TFCP2: variants seen among roughly 807,000 people sequenced by gnomAD.
TFCP2 encodes the protein alpha-globin transcription factor CP2.
Under a neutral mutation model 73.4 loss-of-function variants are expected in TFCP2, and 33 were observed. That is an observed-to-expected ratio of 0.45 (90% CI 0.34 to 0.60). The LOEUF (loss-of-function observed/expected upper bound fraction) is 0.60. Ranked by LOEUF, TFCP2 falls within the 20% of genes least tolerant of loss-of-function variation. The probability of loss-of-function intolerance (pLI) is 0.01; values close to 1 mark genes in which losing one functional copy is unlikely to be tolerated. For synonymous variants in TFCP2, 193 were observed against 211.6 expected, an observed-to-expected ratio of 0.91 and a Z score of 0.76; for missense variants, 352 against 604.0, an observed-to-expected ratio of 0.58 and a Z score of 4.37.
chr12:51,113,999 A>T (rs1233793151), intron 4 of TFCP2, among the ~76,000 whole-genome samples: 2 of 152,126 alleles, frequency 1.3e-5, no homozygotes, highest in Non-Finnish European at 2.9e-5. Flanking sequence ...TTAGGAGAAA[A>T]CATATGGGAA....
At chr12:51,096,646 G>C (rs537200763) in intron 13 of TFCP2, among the ~76,000 whole-genome samples, 1 of 152,176 alleles carries the variant, frequency 6.6e-6, no homozygotes, top group Non-Finnish European at 1.5e-5. Context: ...ACAAATTGTC[G>C]TAAGACAGAG....
intron 11 of TFCP2, among the ~76,000 whole-genome samples, chr12:51,101,278 C>A (rs569111721): frequency 3.3e-4 from 51 of 152,300 alleles, no homozygotes; most frequent in African/African-American, 1.1e-3. Flanking sequence ...GTACTCCAGT[C>A]TGGGCGAAAG....
chr12:51,171,537 C>T (rs1941862353), intron 1 of TFCP2, among the ~76,000 whole-genome samples: 1 of 152,140 alleles, frequency 6.6e-6, no homozygotes, highest in South Asian at 2.1e-4. Flanking sequence ...GCCACCACAC[C>T]CGGCTAATTT....
chr12:51,111,023 C>A, intron 4 of TFCP2, 40 bp from the exon 5 acceptor site: 1 of 1,352,844 alleles, frequency 7.4e-7, no homozygotes, highest in Non-Finnish European at 1.1e-6. Context: ...ATTTTGAGGG[C>A]CACTCAGTTT....
At position 51,093,745 on chromosome 12, in the gene TFCP2, AC is replaced by A. The variant is rs1434361207; in HGVS notation, c.*1495del. The A allele has an allele frequency of 6.6e-6, 1 of 152,102 alleles. No individual in the cohort carries two copies. The highest frequency in any genetic ancestry group is 1.9e-4 in the East Asian group (1 of 5,200). 9.4% of individuals were successfully genotyped at this position (152,102 alleles called of 1,614,324 possible). Reference sequence around the variant, plus strand: ...TTTCAAAGTTTTCAATTTGTTTCAAACCAAGAGAAATTAGACCATGATGCAG... The same window carrying A: ...TTTCAAAGTTTTCAATTTGTTTCAAACAAGAGAAATTAGACCATGATGCAG... On this transcript the variant is annotated 3_prime_UTR_variant, in exon 15 of 15. Transcript: ENST00000257915.
In TFCP2 at chr12:51,116,309, A is replaced by T. The variant is rs377070269; in HGVS notation, c.457+6T>A. ...ATTTCCTAGGCAATAGATTCTCTTA[A>T]CTCACCTATGTCAAGAATTCTGTCT... On this transcript the variant is annotated splice_donor_region_variant and intron_variant, in intron 4 of 14. Transcript: ENST00000257915. 94 of 1,560,724 alleles carry T rather than the reference A, an allele frequency of 6.0e-5. No individual in the cohort carries two copies. Among genetic ancestry groups the T allele is most frequent in the Non-Finnish European group, 7.6e-5 (86 of 1,138,502 alleles).
At chr12:51,095,813 C>CA (rs34105291) in intron 14 of TFCP2, among the ~76,000 whole-genome samples, 176 bp downstream of exon 14, 55,239 of 83,926 alleles carry the variant, frequency 0.66, 18,107 homozygotes, top group Non-Finnish European at 0.75. Context: ...GACTCTGTTT[C>CA]AAAAAAAAAA....
rs138916160 is a variant in TFCP2, at chr12:51,118,733, C to T, written c.162G>A (p.Ser54=). ...LALPIFKQEE[S]SLPPDNENKI... ...TATTCTCATTATCAGGAGGCAAACT[C>T]GACTCTTCTTGCTTAAAAATGGGCA... The change falls in exon 2 of 15, where the codon TCG becomes TCA. Residue 54 remains serine (S), a synonymous_variant. Transcript: ENST00000257915. The T allele has an allele frequency of 3.0e-4, 477 of 1,614,088 alleles. 1 individual carries two copies. Among genetic ancestry groups the T allele is most frequent in the Middle Eastern group, 2.1e-3 (13 of 6,062 alleles).
chr12:51,123,622 T>C (rs1695064466), intron 1 of TFCP2, among the ~76,000 whole-genome samples: 1 of 152,216 alleles, frequency 6.6e-6, no homozygotes, highest in African/African-American at 2.4e-5. Context: ...AATGGAGGTC[T>C]TGCTATGTTG....
At chr12:51,141,640 T>C (rs911279813) in intron 1 of TFCP2, among the ~76,000 whole-genome samples, 3 of 151,602 alleles carry the variant, frequency 2.0e-5, no homozygotes, top group Admixed American at 1.3e-4. Context: ...TGGCTCACAC[T>C]TGTAATCCCA....
At chr12:51,133,054 C>A (rs562638531) in intron 1 of TFCP2, among the ~76,000 whole-genome samples, 1 of 151,894 alleles carries the variant, frequency 6.6e-6, no homozygotes, top group South Asian at 2.1e-4. Context: ...TAAAAAATTT[C>A]TTTGTTCTAA....
chr12:51,094,899 T>G lies in TFCP2; in HGVS notation c.*342A>C, dbSNP rs1939918120. Reference sequence around the variant, plus strand: ...ATTACAGGGCTCCATATCACAAAATTTAAGATCTTCCTGTTAAACATCACA... The same window carrying G: ...ATTACAGGGCTCCATATCACAAAATGTAAGATCTTCCTGTTAAACATCACA... On this transcript the variant is annotated 3_prime_UTR_variant, in exon 15 of 15. Coordinates refer to ENST00000257915, the MANE Select transcript of TFCP2 (RefSeq NM_005653.5). 1 of 257,176 alleles carries G rather than the reference T, an allele frequency of 3.9e-6. No homozygotes were observed. Among genetic ancestry groups the G allele is most frequent in the African/African-American group, 2.2e-5 (1 of 45,614 alleles). 15.9% of individuals were successfully genotyped at this position (257,176 alleles called of 1,614,324 possible).
At chr12:51,117,521 T>C in intron 3 of TFCP2, 150 bp downstream of exon 3, 1 of 617,268 alleles carries the variant, frequency 1.6e-6, no homozygotes, top group Non-Finnish European at 2.8e-6. Flanking sequence ...AAATAACACA[T>C]CAGCTTACTA....
chr12:51,107,359 A>G lies in TFCP2; in HGVS notation c.718-13T>C, dbSNP rs993190606. On this transcript the variant is annotated splice_polypyrimidine_tract_variant and intron_variant, in intron 6 of 14. Coordinates refer to ENST00000257915, the MANE Select transcript of TFCP2 (RefSeq NM_005653.5). ...CTGCACCTTTGGGCTGAAATGAGAA[A>G]TATTTTGTTTTAAATTCAGGTACTC... The G allele has an allele frequency of 1.9e-6, 3 of 1,600,086 alleles. No individual in the cohort carries two copies. In the African/African-American group the frequency reaches 4.1e-5, roughly 22 times the overall value.
At chr12:51,103,199 C>T (rs1940152401) in intron 10 of TFCP2, among the ~76,000 whole-genome samples, 1 of 152,078 alleles carries the variant, frequency 6.6e-6, no homozygotes, top group South Asian at 2.1e-4. Flanking sequence ...AGGAGAATCA[C>T]TTGAACCTGG....
At chr12:51,146,379 C>A (rs1414186909) in intron 1 of TFCP2, among the ~76,000 whole-genome samples, 7 of 151,806 alleles carry the variant, frequency 4.6e-5, no homozygotes, top group African/African-American at 1.5e-4. Flanking sequence ...CTCCCTCCCC[C>A]ACCCCATACC....
At chr12:51,153,711 A>C (rs551176920) in intron 1 of TFCP2, among the ~76,000 whole-genome samples, 2 of 152,312 alleles carry the variant, frequency 1.3e-5, no homozygotes, top group Non-Finnish European at 1.5e-5. Context: ...TATCCATATT[A>C]TATTACACAT....
At chr12:51,163,178 T>C (rs1714555632) in intron 1 of TFCP2, among the ~76,000 whole-genome samples, 1 of 152,146 alleles carries the variant, frequency 6.6e-6, no homozygotes, top group South Asian at 2.1e-4. Flanking sequence ...CACGAGCCTA[T>C]GGTCCCAGCT....
chr12:51,171,966 C>T lies in TFCP2; in HGVS notation c.122+335G>A, dbSNP rs141813546. 1.3e-4 allele frequency among the ~76,000 whole-genome samples: 20 copies of T among 152,248 alleles called. No homozygotes were observed. The East Asian group carries it at 3.9e-3, about 29-fold the overall frequency. On this transcript the variant is annotated intron_variant, in intron 1 of 14. Coordinates refer to ENST00000257915, the MANE Select transcript of TFCP2 (RefSeq NM_005653.5). ...TACCATTCCTATGCTATATGTAACC[C>T]TTCTTCACACAACGTCAGACTTACC...
Sources: allele counts gnomAD v4.1 joint callset (sites outside exome capture counted in the v4.1 genomes callset), GRCh38; gene constraint gnomAD v4.1.1; transcripts MANE v1.5; gene names NCBI Gene and HGNC (gene_info 2026-07-23, HGNC 2026-07-21).